The following CCDC91 variants were observed in gnomAD, a reference collection of about 807,000 sequenced individuals.
The protein encoded by CCDC91 is coiled-coil domain containing 91, also known as coiled-coil domain-containing protein 91.
Under a neutral mutation model 63.2 loss-of-function variants are expected in CCDC91, and 48 were observed. The ratio of observed to expected loss-of-function variants is 0.76; its 90% CI spans 0.60 to 0.97. The LOEUF (loss-of-function observed/expected upper bound fraction) is 0.97, where lower values mean the gene tolerates loss of function less well. Ranked by LOEUF, CCDC91 falls within the 50% of genes least tolerant of loss-of-function variation. The pLI is 0.00. For missense variants in CCDC91, 500 were observed against 494.6 expected, an observed-to-expected ratio of 1.01 and a Z score of -0.10; for synonymous variants, 167 against 165.8, an observed-to-expected ratio of 1.01 and a Z score of -0.06.
chr12:28,461,281 A>G (rs576206339), intron 11 of CCDC91, among the ~76,000 whole-genome samples: 6 of 152,212 alleles, frequency 3.9e-5, no homozygotes, highest in Admixed American at 3.3e-4. Flanking sequence ...CAGGATTGAT[A>G]AGATGAATTG....
chr12:28,338,269 T>TTTG (rs1479944540), intron 6 of CCDC91, among the ~76,000 whole-genome samples: 4 of 151,508 alleles, frequency 2.6e-5, no homozygotes, highest in African/African-American at 9.7e-5. Context: ...TTTTTTTTTT[T>TTTG]TCTTATGTAC....
chr12:28,512,946 G>A (rs1427634395), intron 12 of CCDC91, among the ~76,000 whole-genome samples: 1 of 151,924 alleles, frequency 6.6e-6, no homozygotes, highest in Non-Finnish European at 1.5e-5. Context: ...CCCTCATGCT[G>A]TACTTCTTTA....
At chr12:28,411,915 A>G (rs766375448) in intron 8 of CCDC91, among the ~76,000 whole-genome samples, 2 of 152,192 alleles carry the variant, frequency 1.3e-5, no homozygotes, top group Non-Finnish European at 2.9e-5. Context: ...TTCATGAGGG[A>G]TCCACTCCGA....
At chr12:28,307,590 ATTAT>A in intron 5 of CCDC91, 51 bp from the exon 6 acceptor site, 1 of 925,240 alleles carries the variant, frequency 1.1e-6, no homozygotes, top group South Asian at 1.6e-5. Flanking sequence ...GAAAAAACTA[ATTAT>A]ATTTTATGCC....
chr12:28,316,458 T>C (rs1939867576), intron 6 of CCDC91, among the ~76,000 whole-genome samples: 1 of 151,412 alleles, frequency 6.6e-6, no homozygotes, highest in African/African-American at 2.4e-5. Context: ...TAATCTACTT[T>C]ATCATTTTCC....
At chr12:28,381,105 C>T (rs189454331) in intron 7 of CCDC91, among the ~76,000 whole-genome samples, 198 of 152,054 alleles carry the variant, frequency 1.3e-3, no homozygotes, top group African/African-American at 3.5e-3. Context: ...AATTTCTTTC[C>T]GGTTTGAATA....
chr12:28,385,691 A>G (rs1039730672), intron 7 of CCDC91, among the ~76,000 whole-genome samples: 3 of 152,146 alleles, frequency 2.0e-5, no homozygotes, highest in African/African-American at 7.2e-5. Flanking sequence ...TATTTTGAAG[A>G]CCTTATTCCT....
intron 6 of CCDC91, among the ~76,000 whole-genome samples, chr12:28,338,568 A>C (rs1014964673): frequency 6.6e-6 from 1 of 152,168 alleles, no homozygotes; most frequent in African/African-American, 2.4e-5. Flanking sequence ...GGGCCACCCT[A>C]CATAAGGCCC....
chr12:28,273,867 G>A (rs1305011746), intron 3 of CCDC91, among the ~76,000 whole-genome samples: 1 of 152,100 alleles, frequency 6.6e-6, no homozygotes, highest in African/African-American at 2.4e-5. Context: ...TGTCAATTTT[G>A]GCTTTTGTTG....
intron 11 of CCDC91, among the ~76,000 whole-genome samples, chr12:28,476,937 G>A (rs1200390329): frequency 6.6e-6 from 1 of 152,152 alleles, no homozygotes; most frequent in Admixed American, 6.6e-5. Context: ...TTGAATCTCT[G>A]AGTAGACCAA....
chr12:28,358,395 C>T (rs1943656535), intron 6 of CCDC91, among the ~76,000 whole-genome samples: 3 of 152,188 alleles, frequency 2.0e-5, no homozygotes, highest in East Asian at 1.9e-4. Flanking sequence ...AAACACCTTT[C>T]GTACTTCCCA....
chr12:28,309,450 A>G (rs551505453), intron 6 of CCDC91, among the ~76,000 whole-genome samples: 16 of 152,164 alleles, frequency 1.1e-4, no homozygotes, highest in African/African-American at 3.4e-4. Context: ...TTTTAGTCCA[A>G]CACTCCATGT....
intron 12 of CCDC91, among the ~76,000 whole-genome samples, chr12:28,484,742 T>G (rs1191008241): frequency 1.3e-5 from 2 of 151,958 alleles, no homozygotes; most frequent in Non-Finnish European, 2.9e-5. Flanking sequence ...TGGATCTAAC[T>G]TGATTTGTTG....
intron 12 of CCDC91, among the ~76,000 whole-genome samples, chr12:28,515,935 C>T (rs1017652904): frequency 6.6e-6 from 1 of 151,812 alleles, no homozygotes; most frequent in Non-Finnish European, 1.5e-5. Flanking sequence ...TACTTTCTTG[C>T]CATAAAGAAC....
chr12:28,255,338 A>G (rs1946374879), intron 1 of CCDC91, among the ~76,000 whole-genome samples: 1 of 152,222 alleles, frequency 6.6e-6, no homozygotes, highest in Non-Finnish European at 1.5e-5. Flanking sequence ...AGTACAGCAT[A>G]TGTAGATGCT....
chr12:28,406,279 A>T (rs1350058334), intron 8 of CCDC91, among the ~76,000 whole-genome samples: 1 of 126,692 alleles, frequency 7.9e-6, no homozygotes, highest in Admixed American at 8.3e-5. Context: ...TCTTCCAATA[A>T]AAAAAAAAAA....
Position 28,307,686 on chromosome 12 carries a change from AG to A in CCDC91, c.515del (p.Gly172AlafsTer3). ...TGGAAAAGCATAATGTCTTAGAAAA[AG>A]GCTTTCTAAAAGAAAAAGAGCAAGA... ...LMEKHNVLEK[G>X]FLKEKEQEAI... On this transcript the variant is annotated frameshift_variant, in exon 6 of 13. Coordinates refer to ENST00000536442, the MANE Select transcript of CCDC91 (RefSeq NM_018318.5). LOFTEE classifies it high-confidence loss of function. 1 of 1,588,722 alleles carries A rather than the reference AG, an allele frequency of 6.3e-7. No homozygotes were observed. The highest frequency in any genetic ancestry group is 8.6e-7 in the Non-Finnish European group (1 of 1,166,514).
Position 28,305,650 on chromosome 12 carries a change from A to G in CCDC91, c.111A>G (p.Val37=). ...TTTGTTGTTGTTGTTTTTCTTTAGT[A>G]TCTGGAGTCCATCTTTCACCATCTT... ...PAIPWAAFPA[V]SGVHLSPSSP... is the part of the protein sequence containing the mutation. Residue 37 remains valine, a splice_region_variant and synonymous_variant, in exon 4 of 13, where the codon GTA becomes GTG. Transcript: ENST00000536442. The G allele has an allele frequency of 6.2e-7, 1 of 1,609,618 alleles. No individual in the cohort carries two copies. Among genetic ancestry groups the G allele is most frequent in the Non-Finnish European group, 8.5e-7 (1 of 1,177,840 alleles).
chr12:28,394,711 GCTCTCTCTCT>G (rs151131648), intron 8 of CCDC91, among the ~76,000 whole-genome samples: 4 of 136,948 alleles, frequency 2.9e-5, no homozygotes, highest in African/African-American at 7.8e-5. Flanking sequence ...TCTGTTTCTT[GCTCTCTCTCT>G]CTCTCTCTCT....
Sources: allele counts gnomAD v4.1 joint callset (sites outside exome capture counted in the v4.1 genomes callset), GRCh38; gene constraint gnomAD v4.1.1; transcripts MANE v1.5; gene names NCBI Gene and HGNC (gene_info 2026-07-23, HGNC 2026-07-21).